The following WDR70 variants were observed in gnomAD, a reference collection of about 807,000 sequenced individuals.
WDR70 encodes WD repeat domain 70, also known as WD repeat-containing protein 70.
WDR70 carries 53 observed loss-of-function variants against 88.6 expected under a neutral mutation model. That is an observed-to-expected ratio of 0.60 (90% confidence interval 0.48 to 0.75). WDR70 has a LOEUF of 0.75. WDR70 is among the 30% of genes least tolerant of loss of function. The pLI is 0.00. For synonymous variants in WDR70, 280 were observed against 270.0 expected (o/e 1.04, Z -0.36); for missense variants, 610 against 823.2 (o/e 0.74, Z 3.17).
Position 37,392,430 on chromosome 5 carries a change from C to T in WDR70, c.296+310C>T, listed in dbSNP as rs574341184. 1.4e-3 allele frequency among the ~76,000 whole-genome samples: 210 copies of T among 152,004 alleles called. 1 individual carries two copies. The highest frequency in any genetic ancestry group is 4.8e-3 in the African/African-American group (201 of 41,482). On this transcript the variant is annotated intron_variant, in intron 4 of 17. Transcript: ENST00000265107. The stretch of plus-strand genomic sequence containing the variant: ...AACTCCTGACCTCAGTTGATCCACC[C>T]GCCTCAGCCTCCCAAAGTGCTGGGA...
intron 17 of WDR70, among the ~76,000 whole-genome samples, chr5:37,750,998 C>T (rs1414485310): frequency 2.6e-5 from 4 of 152,218 alleles, no homozygotes. Flanking sequence ...GTACTTAAAT[C>T]TCATTACAAC....
chr5:37,745,151 G>A (rs1295857157), intron 17 of WDR70, among the ~76,000 whole-genome samples: 1 of 152,038 alleles, frequency 6.6e-6, no homozygotes, highest in Non-Finnish European at 1.5e-5. Context: ...TTTCAACCCA[G>A]AATTTCATAT....
At chr5:37,581,046 G>A (rs75414556) in intron 9 of WDR70, among the ~76,000 whole-genome samples, 1,900 of 152,312 alleles carry the variant, frequency 0.012, 44 homozygotes, top group African/African-American at 0.044. Context: ...TCTCCAAACT[G>A]TCCAGTGACT....
chr5:37,593,657 A>G (rs1236658642), intron 9 of WDR70, among the ~76,000 whole-genome samples: 1 of 152,242 alleles, frequency 6.6e-6, no homozygotes, highest in Non-Finnish European at 1.5e-5. Flanking sequence ...TCCTTTGGGT[A>G]TATACCCAGT....
chr5:37,571,338 T>C (rs72738782), intron 9 of WDR70, among the ~76,000 whole-genome samples: 4,633 of 152,274 alleles, frequency 0.03, 109 homozygotes, highest in Middle Eastern at 0.095. Context: ...TAATCTATAA[T>C]TGGCCAAGAA....
At chr5:37,427,658 T>TGAGGATCGCC (rs1750174000) in intron 5 of WDR70, among the ~76,000 whole-genome samples, 2 of 152,124 alleles carry the variant, frequency 1.3e-5, no homozygotes, top group African/African-American at 2.4e-5. Flanking sequence ...GGTGGATCGC[T>TGAGGATCGCC]TGAGGATCAC....
intron 17 of WDR70, among the ~76,000 whole-genome samples, chr5:37,746,925 A>G (rs1748652747): frequency 6.6e-6 from 1 of 152,198 alleles, no homozygotes; most frequent in South Asian, 2.1e-4. Flanking sequence ...TTATGAAGCC[A>G]GCATCATCTT....
At chr5:37,524,689 A>G (rs1205082121) in intron 9 of WDR70, among the ~76,000 whole-genome samples, 1 of 152,218 alleles carries the variant, frequency 6.6e-6, no homozygotes, top group African/African-American at 2.4e-5. Context: ...AGACTGGCAA[A>G]TTGGATAAAG....
chr5:37,493,812 T>C (rs1314470145), intron 8 of WDR70, among the ~76,000 whole-genome samples: 4 of 150,902 alleles, frequency 2.7e-5, no homozygotes, highest in African/African-American at 7.3e-5. Context: ...AGTTAGCTTT[T>C]GGGTAGGAGG....
chr5:37,585,109 A>G (rs1026006258), intron 9 of WDR70, among the ~76,000 whole-genome samples: 3 of 151,014 alleles, frequency 2.0e-5, no homozygotes, highest in Non-Finnish European at 2.9e-5. Context: ...TCCTGCCTCA[A>G]CCTCCTAAAT....
intron 17 of WDR70, among the ~76,000 whole-genome samples, chr5:37,751,169 T>C (rs1748797077): frequency 6.6e-6 from 1 of 152,230 alleles, no homozygotes; most frequent in African/African-American, 2.4e-5. Flanking sequence ...CTGGTCAGCA[T>C]CTTTGCCAGA....
intron 10 of WDR70, among the ~76,000 whole-genome samples, chr5:37,643,155 T>C (rs1416102346): frequency 1.3e-5 from 2 of 152,070 alleles, no homozygotes; most frequent in African/African-American, 4.8e-5. Flanking sequence ...TTTATTTGGT[T>C]GTTGTATATG....
chr5:37,582,842 A>G (rs905855402), intron 9 of WDR70, among the ~76,000 whole-genome samples: 1 of 152,228 alleles, frequency 6.6e-6, no homozygotes, highest in African/African-American at 2.4e-5. Flanking sequence ...GAGTATGCCA[A>G]GTTTCATCTT....
At chr5:37,521,717 CA>C (rs1741096350) in intron 9 of WDR70, among the ~76,000 whole-genome samples, 1 of 151,574 alleles carries the variant, frequency 6.6e-6, no homozygotes, top group African/African-American at 2.4e-5. Flanking sequence ...CACACACACA[CA>C]CACACACACA....
At chr5:37,467,150 C>G (rs1739179430) in intron 7 of WDR70, among the ~76,000 whole-genome samples, 1 of 149,740 alleles carries the variant, frequency 6.7e-6, no homozygotes, top group African/African-American at 2.4e-5. Context: ...TTGCTTGAAC[C>G]TGGGAGGCGG....
chr5:37,483,672 G>C (rs1739749165), intron 8 of WDR70, among the ~76,000 whole-genome samples: 1 of 151,860 alleles, frequency 6.6e-6, no homozygotes, highest in South Asian at 2.1e-4. Flanking sequence ...TCCCAGAAGG[G>C]GCGGCCAGGC....
intron 8 of WDR70, among the ~76,000 whole-genome samples, chr5:37,481,089 T>C (rs1320026182): frequency 6.6e-6 from 1 of 152,136 alleles, no homozygotes; most frequent in Non-Finnish European, 1.5e-5. Context: ...GTTCCCAGGG[T>C]CTTGGGCAGC....
At chr5:37,557,957 A>ACTC in intron 9 of WDR70, among the ~76,000 whole-genome samples, 10,086 of 135,608 alleles carry the variant, frequency 0.074, no homozygotes, top group African/African-American at 0.083. Context: ...TCAAAAGAGT[A>ACTC]TTATGTATAT....
At chr5:37,699,353 C>T (rs1046773220) in intron 11 of WDR70, among the ~76,000 whole-genome samples, 8 of 145,930 alleles carry the variant, frequency 5.5e-5, no homozygotes, top group Non-Finnish European at 1.2e-4. Flanking sequence ...CACACACACA[C>T]ACACACAGTG....
Sources: allele counts gnomAD v4.1 joint callset (sites outside exome capture counted in the v4.1 genomes callset), GRCh38; gene constraint gnomAD v4.1.1; transcripts MANE v1.5; gene names NCBI Gene and HGNC (gene_info 2026-07-23, HGNC 2026-07-21).